The following NEK9 variants were observed in gnomAD, a reference collection of about 807,000 sequenced individuals.
NEK9 encodes serine/threonine-protein kinase Nek9.
NEK9 carries 75 observed loss-of-function variants against 123.4 expected under a neutral mutation model. That is an observed-to-expected ratio of 0.61 (90% CI 0.50 to 0.74). The LOEUF (loss-of-function observed/expected upper bound fraction) is 0.74. Among genes scored for constraint, NEK9 ranks in the 30% least tolerant of loss-of-function variants. NEK9 has a pLI of 0.00. For synonymous variants in NEK9, 438 were observed against 458.7 expected (o/e 0.95, Z 0.58); for missense variants, 952 against 1,214.4 (o/e 0.78, Z 3.21).
intron 6 of NEK9, chr14:75,116,623 T>A (rs764707996): frequency 3.6e-5 from 7 of 193,872 alleles, no homozygotes; most frequent in Admixed American, 5.9e-5. Flanking sequence ...CTTTTAAATT[T>A]AATTTAATTT....
intron 6 of NEK9, among the ~76,000 whole-genome samples, chr14:75,114,616 C>T (rs1245716478): frequency 6.6e-6 from 1 of 152,210 alleles, no homozygotes; most frequent in Non-Finnish European, 1.5e-5. Flanking sequence ...GATTAGCCAT[C>T]CTTGTTGGCT....
intron 6 of NEK9, among the ~76,000 whole-genome samples, 156 bp downstream of exon 6, chr14:75,117,039 G>A (rs894941737): frequency 1.3e-5 from 2 of 152,152 alleles, no homozygotes; most frequent in African/African-American, 4.8e-5. Context: ...GCCTGGCTGG[G>A]TCTATAGCAT....
At chr14:75,110,687 T>C (rs1458682932) in intron 8 of NEK9, among the ~76,000 whole-genome samples, 1 of 151,942 alleles carries the variant, frequency 6.6e-6, no homozygotes, top group Non-Finnish European at 1.5e-5. Context: ...CACCTTCATC[T>C]AGTCTGCCCA....
In NEK9 at chr14:75,126,786, C is replaced by G; in HGVS notation, c.136G>C (p.Glu46Gln). 2 of 1,531,400 alleles carry G rather than the reference C, an allele frequency of 1.3e-6. No individual in the cohort carries two copies. Among genetic ancestry groups the G allele is most frequent in the Non-Finnish European group, 1.8e-6 (2 of 1,140,014 alleles). The allele number at this position is 1,531,400 out of a possible 1,614,324, so 94.9% of individuals were successfully genotyped here. A position where few individuals can be genotyped will look rare whatever the true frequency, so the allele number is the denominator to read the frequency against. ...GGGATGTAGTGCAGTTCCTCCTGCTCCGCCGCGCCGCCGCCGGCTCGCGGC... is the reference window on the plus strand; with the variant it reads ...GGGATGTAGTGCAGTTCCTCCTGCTGCGCCGCGCCGCCGCCGGCTCGCGGC... ...QGPRAGGGAAEQEELHYIPIR... is the reference protein window; with the variant it reads ...QGPRAGGGAAQQEELHYIPIR... Residue 46 changes from glutamate (E) to glutamine (Q), a missense_variant, in exon 1 of 22, where the codon GAG (glutamate) becomes CAG (glutamine). Coordinates refer to ENST00000238616, the MANE Select transcript of NEK9 (RefSeq NM_033116.6).
chr14:75,084,524 T>G lies in NEK9; in HGVS notation c.*40A>C. On this transcript the variant is annotated 3_prime_UTR_variant, in exon 22 of 22. Transcript: ENST00000238616. ...TTCGGTAAGTGTGCTGTGAAGTTCT[T>G]TGGGTCCCAGTCTCCTGGGGGCTCT... 1.9e-6 allele frequency: 3 copies of G among 1,611,492 alleles called. No homozygotes were observed. The highest frequency in any genetic ancestry group is 1.1e-5 in the South Asian group (1 of 90,988).
chr14:75,106,278 G>A (rs1186420470), intron 12 of NEK9: 4 of 562,912 alleles, frequency 7.1e-6, no homozygotes, highest in African/African-American at 2.0e-5. Context: ...AGAATCACTC[G>A]AACTCGGGAG....
chr14:75,126,684 C>A lies in NEK9; in HGVS notation c.219+19G>T. 7.2e-7 allele frequency: 1 copy of A among 1,395,566 alleles called. No individual in the cohort carries two copies. Among genetic ancestry groups the A allele is most frequent in the Admixed American group, 3.8e-5 (1 of 26,140 alleles). 86.4% of individuals were successfully genotyped at this position (1,395,566 alleles called of 1,614,324 possible). ...ACCCGACAGCGCCAGACAGGGCGGC[C>A]GGCGCCGAGGGCCGCTACCTCGGTG... On this transcript the variant is annotated intron_variant, in intron 1 of 21. Coordinates refer to ENST00000238616, the MANE Select transcript of NEK9 (RefSeq NM_033116.6).
intron 1 of NEK9, among the ~76,000 whole-genome samples, chr14:75,125,038 T>C (rs1276146900): frequency 6.6e-6 from 1 of 151,046 alleles, no homozygotes; most frequent in Non-Finnish European, 1.5e-5. Context: ...GCCTCCCAGG[T>C]GTTGGGATTA....
rs1466223109 is a variant in NEK9 at position 75,082,606 on chromosome 14, A to G, written c.*1958T>C. On this transcript the variant is annotated 3_prime_UTR_variant, in exon 22 of 22. Coordinates refer to ENST00000238616, the MANE Select transcript of NEK9 (RefSeq NM_033116.6). ...AGGGAAAGGCTCCCCTATGAACAAG[A>G]CCAGGGCACTCACCCACCCCCGGCA... 5.3e-6 allele frequency: 1 copy of G among 187,122 alleles called. No homozygotes were observed. The highest frequency in any genetic ancestry group is 1.3e-4 in the East Asian group (1 of 7,888). 11.6% of individuals were successfully genotyped at this position (187,122 alleles called of 1,614,324 possible).
At chr14:75,084,816 T>C in intron 21 of NEK9, 130 bp from the exon 22 acceptor site, 2 of 1,138,948 alleles carry the variant, frequency 1.8e-6, no homozygotes, top group Non-Finnish European at 2.6e-6. Flanking sequence ...GTAGCCACGA[T>C]CTTGTGAGAC....
chr14:75,106,251 C>T (rs1894768317), intron 12 of NEK9: 7 of 565,188 alleles, frequency 1.2e-5, no homozygotes, highest in South Asian at 2.1e-5. Context: ...CCCAGCTACT[C>T]GGGAGGCTGA....
chr14:75,088,527 C>T lies in NEK9; in HGVS notation c.2557G>A (p.Val853Met), dbSNP rs762942512. 2 of 1,614,088 alleles carry T rather than the reference C, an allele frequency of 1.2e-6. No individual in the cohort carries two copies. The highest frequency in any genetic ancestry group is 1.7e-4 in the Middle Eastern group (1 of 6,058). The part of the protein sequence containing the change: ...LPYEELQGLK[V>M]ASEAPLEHKP... ...TGTTCCAAAGGAGCTTCAGAGGCCA[C>T]TTTGAGTCCTTGCAGCTCTTCATAG... is the stretch of plus-strand genomic sequence containing the variant. The change falls in exon 20 of 22, where the codon GTG becomes ATG. Residue 853 changes from valine to methionine, a missense_variant. By Grantham distance (21) the Val-to-Met change is conservative. This residue lies in a region of NEK9 where 698 missense variants were observed against 875.6 expected (regional missense o/e 0.80). Coordinates refer to ENST00000238616, the MANE Select transcript of NEK9 (RefSeq NM_033116.6).
chr14:75,095,444 A>G lies in NEK9; in HGVS notation c.2174-13T>C. ...TTCAATACTTTCTCTGAGAAAAAAT[A>G]TTTGGTAGGTAAGCACTGTATACTG... is the stretch of plus-strand genomic sequence containing the variant. On this transcript the variant is annotated splice_polypyrimidine_tract_variant and intron_variant, in intron 17 of 21. Transcript: ENST00000238616. 1 of 1,605,480 alleles carries G rather than the reference A, an allele frequency of 6.2e-7. No individual in the cohort carries two copies. The highest frequency in any genetic ancestry group is 8.5e-7 in the Non-Finnish European group (1 of 1,172,758).
chr14:75,122,416 A>G (rs1232207918), intron 2 of NEK9, among the ~76,000 whole-genome samples: 1 of 152,230 alleles, frequency 6.6e-6, no homozygotes, highest in African/African-American at 2.4e-5. Context: ...GTGCAATAAG[A>G]TGATTAACAG....
chr14:75,123,477 G>A (rs1895411258), intron 2 of NEK9, among the ~76,000 whole-genome samples: 1 of 151,996 alleles, frequency 6.6e-6, no homozygotes, highest in Non-Finnish European at 1.5e-5. Context: ...TCTTGCCAAG[G>A]TTATAGAGCT....
intron 19 of NEK9, among the ~76,000 whole-genome samples, chr14:75,089,029 C>T (rs1409897988): frequency 6.6e-6 from 1 of 152,196 alleles, no homozygotes; most frequent in Non-Finnish European, 1.5e-5. Flanking sequence ...CCTCAAATCA[C>T]TAGCAAGTTT....
chr14:75,100,350 G>A (rs1303436313), intron 16 of NEK9, among the ~76,000 whole-genome samples: 3 of 152,030 alleles, frequency 2.0e-5, no homozygotes, highest in African/African-American at 7.3e-5. Context: ...GGAGGCTGAG[G>A]CAGGAGAATC....
chr14:75,110,433 CTGTT>C (rs1173227216), intron 8 of NEK9, 62 bp from the exon 9 acceptor site: 2 of 1,234,752 alleles, frequency 1.6e-6, no homozygotes, highest in Non-Finnish European at 2.4e-6. Flanking sequence ...GCAAAGGTGT[CTGTT>C]TAATACATTT....
chr14:75,122,711 G>A (rs1039215027), intron 2 of NEK9, among the ~76,000 whole-genome samples: 3 of 151,264 alleles, frequency 2.0e-5, no homozygotes, highest in Non-Finnish European at 2.9e-5. Flanking sequence ...TAACCATGTT[G>A]GCCAGGATGG....
Sources: gnomAD v4.1 joint callset for allele counts (sites outside exome capture counted in the v4.1 genomes callset) on GRCh38, gnomAD v4.1.1 for gene constraint, gnomAD v4.1.1 regional missense constraint, MANE v1.5 for transcripts, NCBI Gene and HGNC (gene_info 2026-07-23, HGNC 2026-07-21) for gene names.